Variants in NCKAP5 observed in about 807,000 individuals in gnomAD.
The protein encoded by NCKAP5 is NCK associated protein 5, also known as nck-associated protein 5.
A neutral mutation model predicts 167.0 loss-of-function variants in NCKAP5; 92 were observed. The ratio of observed to expected loss-of-function variants is 0.55; its 90% CI spans 0.47 to 0.66. NCKAP5 has a LOEUF of 0.66. Ranked by LOEUF, NCKAP5 falls within the 30% of genes least tolerant of loss-of-function variation. NCKAP5 has a pLI of 0.00. For missense variants in NCKAP5, 2,378 were observed against 2,315.0 expected (o/e 1.03, Z -0.56); for synonymous variants, 891 against 877.4 (o/e 1.02, Z -0.27).
At chr2:132,957,645 C>T (rs1310694848) in intron 8 of NCKAP5, among the ~76,000 whole-genome samples, 3 of 152,252 alleles carry the variant, frequency 2.0e-5, no homozygotes, top group Non-Finnish European at 2.9e-5. Context: ...TCCCTCTTCC[C>T]CAAGGCAGGT....
intron 8 of NCKAP5, among the ~76,000 whole-genome samples, chr2:132,927,970 C>A (rs1696045141): frequency 6.6e-6 from 1 of 152,134 alleles, no homozygotes. Context: ...TTTCCCCTTT[C>A]ACATGTATAA....
chr2:133,157,147 C>A (rs192539941), intron 5 of NCKAP5, among the ~76,000 whole-genome samples: 58 of 152,330 alleles, frequency 3.8e-4, no homozygotes, highest in African/African-American at 1.3e-3. Context: ...TTCTATATCT[C>A]ACATCTGGAA....
At chr2:133,535,651 T>C (rs990581349) in intron 2 of NCKAP5, among the ~76,000 whole-genome samples, 1 of 152,204 alleles carries the variant, frequency 6.6e-6, no homozygotes, top group Admixed American at 6.5e-5. Flanking sequence ...TTTGAGCAGA[T>C]ACCCAGTAGT....
intron 8 of NCKAP5, among the ~76,000 whole-genome samples, chr2:132,906,746 T>A (rs573047268): frequency 6.6e-6 from 1 of 152,268 alleles, no homozygotes; most frequent in South Asian, 2.1e-4. Context: ...ACATAAAACA[T>A]GGAGTCAAAC....
At chr2:133,213,651 A>G in intron 5 of NCKAP5, 65 bp downstream of exon 5, 4 of 1,533,164 alleles carry the variant, frequency 2.6e-6, no homozygotes, top group Non-Finnish European at 3.6e-6. Context: ...TTAATGAGGC[A>G]AAGTAGCTTT....
At chr2:133,297,446 A>G (rs564484512) in intron 4 of NCKAP5, among the ~76,000 whole-genome samples, 1 of 152,156 alleles carries the variant, frequency 6.6e-6, no homozygotes, top group Non-Finnish European at 1.5e-5. Flanking sequence ...ACCCAGAGAT[A>G]GATTATAGGT....
At chr2:133,558,475 A>G (rs1687906660) in intron 2 of NCKAP5, among the ~76,000 whole-genome samples, 1 of 151,950 alleles carries the variant, frequency 6.6e-6, no homozygotes. Context: ...AGAGGAAGGG[A>G]GCAGCCAGGG....
chr2:133,539,334 A>G (rs1490764267), intron 2 of NCKAP5, among the ~76,000 whole-genome samples: 1 of 152,108 alleles, frequency 6.6e-6, no homozygotes, highest in African/African-American at 2.4e-5. Flanking sequence ...GCATCCATAA[A>G]TCCTCTAGGT....
chr2:132,911,649 T>C (rs6718552), intron 8 of NCKAP5, among the ~76,000 whole-genome samples: 52,624 of 152,038 alleles, frequency 0.35, 12,052 homozygotes, highest in African/African-American at 0.62. Flanking sequence ...TATATACATG[T>C]AAATGCTGGC....
intron 3 of NCKAP5, among the ~76,000 whole-genome samples, chr2:133,424,431 G>C (rs573281395): frequency 6.6e-5 from 10 of 152,276 alleles, no homozygotes; most frequent in African/African-American, 2.2e-4. Context: ...AAATAATTAC[G>C]CATCTTGTCT....
intron 4 of NCKAP5, among the ~76,000 whole-genome samples, chr2:133,232,372 T>TA (rs1489009615): frequency 1.3e-5 from 2 of 152,160 alleles, no homozygotes; most frequent in Non-Finnish European, 2.9e-5. Flanking sequence ...GAATTCCATT[T>TA]AAAAAATATA....
chr2:132,995,420 G>A (rs1398915460), intron 6 of NCKAP5, among the ~76,000 whole-genome samples: 1 of 152,028 alleles, frequency 6.6e-6, no homozygotes, highest in Non-Finnish European at 1.5e-5. Flanking sequence ...GGAGGCTGAG[G>A]TGGGTGGGTC....
At chr2:133,444,989 C>T (rs562590748) in intron 3 of NCKAP5, among the ~76,000 whole-genome samples, 8 of 152,218 alleles carry the variant, frequency 5.3e-5, no homozygotes, top group African/African-American at 1.9e-4. Context: ...AAAAAATAAG[C>T]TTTTAGGTAA....
chr2:133,054,305 G>A (rs983659308), intron 6 of NCKAP5, among the ~76,000 whole-genome samples: 2 of 152,166 alleles, frequency 1.3e-5, no homozygotes, highest in African/African-American at 2.4e-5. Context: ...GAGAGAACCT[G>A]TACAGAAATA....
intron 3 of NCKAP5, among the ~76,000 whole-genome samples, chr2:133,349,050 CCTCT>C (rs1684171087): frequency 6.6e-6 from 1 of 152,168 alleles, no homozygotes; most frequent in Admixed American, 6.5e-5. Context: ...AGCACACAAC[CCTCT>C]CTATCTTACA....
chr2:133,375,544 A>C (rs1686084982), intron 3 of NCKAP5, among the ~76,000 whole-genome samples: 2 of 152,200 alleles, frequency 1.3e-5, no homozygotes, highest in African/African-American at 4.8e-5. Flanking sequence ...TCACACAGGT[A>C]TTAAGCATAG....
chr2:133,107,171 C>G (rs910510876), intron 6 of NCKAP5, among the ~76,000 whole-genome samples: 1 of 152,108 alleles, frequency 6.6e-6, no homozygotes, highest in African/African-American at 2.4e-5. Context: ...CACACTAGAC[C>G]CTGCAAAGTC....
chr2:133,137,406 TTGTGTGTGTGTGTGTGTGTGTGTGTG>T (rs58955655), intron 5 of NCKAP5, among the ~76,000 whole-genome samples: 2 of 136,204 alleles, frequency 1.5e-5, no homozygotes, highest in Non-Finnish European at 3.2e-5. Flanking sequence ...GAGCTTGGTT[TTGTGTGTGTGTGTGTGTGTGTGTGTG>T]TGTGTGTGTG....
At chr2:133,526,319 G>T (rs1684922486) in intron 2 of NCKAP5, among the ~76,000 whole-genome samples, 1 of 93,712 alleles carries the variant, frequency 1.1e-5, no homozygotes, top group Non-Finnish European at 2.3e-5. Context: ...GAAGGAGGGA[G>T]GGAGGGAAGG....
Sources: gnomAD v4.1 joint callset for allele counts (sites outside exome capture counted in the v4.1 genomes callset) on GRCh38, gnomAD v4.1.1 for gene constraint, MANE v1.5 for transcripts, NCBI Gene and HGNC (gene_info 2026-07-23, HGNC 2026-07-21) for gene names.